The following CDH15 variants were observed in gnomAD, a reference collection of about 807,000 sequenced individuals.
The protein encoded by CDH15 is cadherin 15.
Under a neutral mutation model 69.4 loss-of-function variants are expected in CDH15, and 73 were observed. The ratio of observed to expected loss-of-function variants is 1.05; its 90% CI spans 0.87 to 1.28. The LOEUF is 1.28. Ranked by LOEUF, CDH15 falls within the 50% of genes most tolerant of loss-of-function variation. The pLI is 0.00. For synonymous variants in CDH15, 624 were observed against 507.7 expected (o/e 1.23, Z -3.08); for missense variants, 1,343 against 1,133.6 (o/e 1.18, Z -2.65).
At chr16:89,194,267 C>A (rs901473519) in intron 13 of CDH15, among the ~76,000 whole-genome samples, 1 of 152,144 alleles carries the variant, frequency 6.6e-6, no homozygotes, top group African/African-American at 2.4e-5. Context: ...CATAGAAGAC[C>A]CTCTGGACAC....
intron 13 of CDH15, 135 bp downstream of exon 13, chr16:89,194,048 A>C: frequency 9.4e-7 from 1 of 1,060,902 alleles, no homozygotes; most frequent in Admixed American, 2.1e-5. Context: ...AGCACCGCAG[A>C]GGAAGATGGT....
rs121434541 is a variant in CDH15, at chr16:89,183,555, C to G, written c.365C>G (p.Ala122Gly). 6.2e-7 allele frequency: 1 copy of G among 1,614,006 alleles called. No homozygotes were observed. The highest frequency in any genetic ancestry group is 8.5e-7 in the Non-Finnish European group (1 of 1,180,036). ...REKTDRFRLR[A>G]FALDLGGSTL... ...TGCTCTATGTTTGAACAGCTAAGAG[C>G]GTTTGCCCTGGACCTGGGAGGATCC... Residue 122 changes from alanine (A) to glycine (G), a missense_variant, in exon 4 of 14, where the codon GCG (alanine) becomes GGG (glycine). Transcript: ENST00000289746.
intron 1 of CDH15, 47 bp from the exon 2 acceptor site, chr16:89,179,369 A>T (rs1597302995): frequency 6.2e-7 from 1 of 1,610,174 alleles, no homozygotes. Context: ...GCTGCCGCCC[A>T]GGGCTCCAGG....
intron 9 of CDH15, 62 bp downstream of exon 9, chr16:89,191,534 C>T: frequency 6.2e-7 from 1 of 1,600,798 alleles, no homozygotes; most frequent in Middle Eastern, 1.8e-4. Context: ...AGCACCCCTG[C>T]CAGTGTCGGA....
Position 89,171,856 on chromosome 16 carries a change from C to T in CDH15, c.25C>T (p.Leu9Phe). 2 of 1,559,592 alleles carry T rather than the reference C, an allele frequency of 1.3e-6. No homozygotes were observed. The highest frequency in any genetic ancestry group is 2.4e-5 in the East Asian group (1 of 41,796). The change falls in exon 1 of 14, where the codon CTC (leucine) becomes TTC (phenylalanine). Residue 9 changes from leucine (L) to phenylalanine (F), a missense_variant. Coordinates refer to ENST00000289746, the MANE Select transcript of CDH15 (RefSeq NM_004933.3). The part of the protein sequence containing the change: MDAAFLLV[L>F]GLLAQSLCLS... ...GATGGACGCCGCGTTCCTCCTCGTC[C>T]TCGGGCTGTTGGCCCAGGTAAGGCA...
chr16:89,192,182 C>G (rs1211669947), intron 10 of CDH15, 23 bp from the exon 11 acceptor site: 6 of 1,520,434 alleles, frequency 3.9e-6, no homozygotes, highest in East Asian at 2.5e-5. Context: ...GAGGCCCTCG[C>G]TCACCACAGG....
chr16:89,178,402 ACACC>A (rs1171611461), intron 1 of CDH15, among the ~76,000 whole-genome samples: 1 of 152,168 alleles, frequency 6.6e-6, no homozygotes, highest in Admixed American at 6.5e-5. Context: ...GGAGATGGGC[ACACC>A]AGGGTCCCAG....
At chr16:89,183,776 C>G in intron 4 of CDH15, 84 bp downstream of exon 4, 4 of 1,397,548 alleles carry the variant, frequency 2.9e-6, no homozygotes, top group African/African-American at 1.4e-5. Flanking sequence ...AGCAAGAATT[C>G]CAGAGGCCCC....
At chr16:89,176,166 G>A (rs563889921) in intron 1 of CDH15, among the ~76,000 whole-genome samples, 2 of 152,282 alleles carry the variant, frequency 1.3e-5, no homozygotes, top group African/African-American at 4.8e-5. Flanking sequence ...CCCGGCCCCC[G>A]CCCACTCAGA....
At chr16:89,188,323 C>T (rs376698521) in intron 7 of CDH15, 38 bp downstream of exon 7, 131 of 1,567,388 alleles carry the variant, frequency 8.4e-5, no homozygotes, top group Middle Eastern at 1.7e-4. Flanking sequence ...TGCCGGCAGA[C>T]GCAGATGCCG....
In CDH15 at chr16:89,171,974, C is replaced by T. The variant is rs570993730; in HGVS notation, c.42+101C>T. 3.9e-4 allele frequency: 507 copies of T among 1,299,014 alleles called. 1 individual carries two copies. The highest frequency in any genetic ancestry group is 2.7e-3 in the African/African-American group (185 of 68,374). The allele number at this position is 1,299,014 out of a possible 1,614,324, so 80.5% of individuals were successfully genotyped here. A position where few individuals can be genotyped will look rare whatever the true frequency, so the allele number is the denominator to read the frequency against. ...ACAGGTCTCCCCCAGAACCACTGGC[C>T]CTGGTCGCCTTTGGGGGCCTGTGAG... On this transcript the variant is annotated intron_variant, in intron 1 of 13. Transcript: ENST00000289746.
chr16:89,183,208 A>G (rs889316397), intron 3 of CDH15: 2 of 227,844 alleles, frequency 8.8e-6, no homozygotes, highest in Non-Finnish European at 1.7e-5. Context: ...AAACAAAAAC[A>G]TAACTTCAGG....
intron 2 of CDH15, 24 bp from the exon 3 acceptor site, chr16:89,180,176 C>G: frequency 6.2e-7 from 1 of 1,609,456 alleles, no homozygotes. Context: ...GCAGCTCTCC[C>G]CAAACCCATT....
chr16:89,188,048 C>T, intron 6 of CDH15, 52 bp from the exon 7 acceptor site: 1 of 1,520,654 alleles, frequency 6.6e-7, no homozygotes, highest in Non-Finnish European at 8.9e-7. Context: ...GGGCCCCACC[C>T]ATGCTGTCCC....
intron 1 of CDH15, among the ~76,000 whole-genome samples, chr16:89,178,407 A>C (rs1395115460): frequency 6.6e-6 from 1 of 152,306 alleles, no homozygotes; most frequent in South Asian, 2.1e-4. Context: ...TGGGCACACC[A>C]GGGTCCCAGC....
chr16:89,185,402 C>A, intron 5 of CDH15, 69 bp downstream of exon 5: 1 of 1,499,574 alleles, frequency 6.7e-7, no homozygotes, highest in Non-Finnish European at 9.0e-7. Flanking sequence ...GGTCCCTCTG[C>A]CCCCAGCCTG....
chr16:89,195,473 G>T lies in CDH15; in HGVS notation c.*318G>T, dbSNP rs1345274416. On this transcript the variant is annotated 3_prime_UTR_variant, in exon 14 of 14. Transcript: ENST00000289746. The stretch of plus-strand genomic sequence containing the variant: ...TCCTGGGTAAATCTGAATGAAAAAC[G>T]TGCTAGTCTCTTTCATGCAGGACGG... 4.8e-5 allele frequency: 20 copies of T among 415,880 alleles called. No individual in the cohort carries two copies. The East Asian group carries it at 7.3e-4, about 15-fold the overall frequency. 25.8% of individuals were successfully genotyped at this position (415,880 alleles called of 1,614,324 possible). A position where few individuals can be genotyped will look rare whatever the true frequency, so the allele number is the denominator to read the frequency against.
chr16:89,185,569 GCACAGGGCAGGGCTCCC>G (rs1915466327), intron 5 of CDH15: 5 of 593,430 alleles, frequency 8.4e-6, no homozygotes, highest in Non-Finnish European at 1.5e-5. Context: ...GAGGGGCCCG[GCACAGGGCAGGGCTCCC>G]CAAGCAGCCC....
intron 7 of CDH15, among the ~76,000 whole-genome samples, chr16:89,190,041 C>T (rs1314537191): frequency 6.6e-6 from 1 of 152,238 alleles, no homozygotes; most frequent in Non-Finnish European, 1.5e-5. Flanking sequence ...TGCTCCCCAA[C>T]CACCACCACA....
Sources: gnomAD v4.1 joint callset for allele counts (sites outside exome capture counted in the v4.1 genomes callset) on GRCh38, gnomAD v4.1.1 for gene constraint, MANE v1.5 for transcripts, NCBI Gene and HGNC (gene_info 2026-07-23, HGNC 2026-07-21) for gene names.